TNN: variants seen among roughly 807,000 people sequenced by gnomAD.
TNN encodes tenascin N, also known as tenascin-N.
In TNN, 122 loss-of-function variants were observed where a neutral mutation model predicts 134.4. The ratio of observed to expected loss-of-function variants is 0.91; its 90% CI spans 0.78 to 1.06. The LOEUF is 1.06. TNN is among the 50% of genes least tolerant of loss of function. The pLI is 0.00. For synonymous variants in TNN, 710 were observed against 670.3 expected (o/e 1.06, Z -0.91); for missense variants, 1,739 against 1,699.4 (o/e 1.02, Z -0.41).
chr1:175,100,865 CTT>C (rs918646512), intron 9 of TNN, among the ~76,000 whole-genome samples: 1 of 151,952 alleles, frequency 6.6e-6, no homozygotes, highest in Non-Finnish European at 1.5e-5. Flanking sequence ...ACATTTGTTT[CTT>C]TTTTAAAAAA....
chr1:175,118,447 T>C, intron 10 of TNN, 114 bp from the exon 11 acceptor site: 1 of 1,277,926 alleles, frequency 7.8e-7, no homozygotes, highest in Non-Finnish European at 1.1e-6. Context: ...CAAGAGCATA[T>C]GAGGCGGAAA....
chr1:175,098,648 A>C, intron 9 of TNN, 53 bp downstream of exon 9: 1 of 1,608,956 alleles, frequency 6.2e-7, no homozygotes, highest in African/African-American at 1.3e-5. Context: ...GTCTGTCTAC[A>C]TGGGGTTTTC....
chr1:175,144,488 T>C lies in TNN; in HGVS notation c.3697T>C (p.Trp1233Arg), dbSNP rs540231919. 6.2e-7 allele frequency: 1 copy of C among 1,614,144 alleles called. No individual in the cohort carries two copies. Among genetic ancestry groups the C allele is most frequent in the African/African-American group, 1.3e-5 (1 of 75,028 alleles). Residue 1233 changes from tryptophan (W) to arginine (R), a missense_variant, in exon 18 of 19, where the codon TGG becomes CGG. Trp to Arg is a moderately radical substitution (Grantham distance 101, BLOSUM62 -3). Transcript: ENST00000239462. Reference sequence around the variant, plus strand: ...TGCCCTGACACATCATGGTGGCTGGTGGTATAAGAACTGCCACTTGGCCAA... The same window carrying C: ...TGCCCTGACACATCATGGTGGCTGGCGGTATAAGAACTGCCACTTGGCCAA... ...NCALTHHGGW[W>R]YKNCHLANPN...
chr1:175,090,071 T>A (rs1458574949), intron 6 of TNN, among the ~76,000 whole-genome samples: 1 of 152,216 alleles, frequency 6.6e-6, no homozygotes, highest in African/African-American at 2.4e-5. Flanking sequence ...TGTGAGACTT[T>A]GTAAATATTA....
At chr1:175,070,861 G>A (rs906289173) in intron 1 of TNN, among the ~76,000 whole-genome samples, 4 of 152,170 alleles carry the variant, frequency 2.6e-5, no homozygotes, top group Non-Finnish European at 5.9e-5. Flanking sequence ...CCTGGACCAG[G>A]TTACTTGGGA....
intron 1 of TNN, among the ~76,000 whole-genome samples, chr1:175,075,462 A>G (rs753419233): frequency 2.6e-5 from 4 of 151,996 alleles, no homozygotes; most frequent in Non-Finnish European, 5.9e-5. Context: ...ACACCTGGCT[A>G]ATTTTTGTGC....
intron 1 of TNN, among the ~76,000 whole-genome samples, chr1:175,069,235 G>A (rs16847779): frequency 0.29 from 44,175 of 152,088 alleles, 8,213 homozygotes; most frequent in African/African-American, 0.53. Context: ...TCAGGGCTAC[G>A]TATTGGCAGC....
chr1:175,096,921 T>C (rs1176262043), intron 7 of TNN, among the ~76,000 whole-genome samples: 6 of 152,176 alleles, frequency 3.9e-5, no homozygotes, highest in African/African-American at 9.7e-5. Context: ...AGACCTCAGA[T>C]ACTATCAATT....
At position 175,080,143 on chromosome 1, in the gene TNN, T is replaced by C; in HGVS notation, c.785-20T>C. ...CCTCCCTTGCTCACCCTCTCTGCCC[T>C]GTTCCTGTTCTGCCTGCAGTGGTCA... is the stretch of plus-strand genomic sequence containing the variant. On this transcript the variant is annotated intron_variant, in intron 3 of 18. Transcript: ENST00000239462. 3 of 1,612,360 alleles carry C rather than the reference T, an allele frequency of 1.9e-6. No homozygotes were observed. The highest frequency in any genetic ancestry group is 1.7e-6 in the Non-Finnish European group (2 of 1,179,338).
intron 1 of TNN, among the ~76,000 whole-genome samples, chr1:175,069,215 C>A (rs1486441715): frequency 2.0e-5 from 3 of 152,178 alleles, no homozygotes; most frequent in Non-Finnish European, 2.9e-5. Flanking sequence ...TCAGATGATA[C>A]CTTGCTCGGT....
intron 11 of TNN, among the ~76,000 whole-genome samples, chr1:175,121,082 C>T (rs1574167169): frequency 6.6e-6 from 1 of 152,266 alleles, no homozygotes; most frequent in African/African-American, 2.4e-5. Context: ...TATGCCCAGC[C>T]TAAATTTTAA....
chr1:175,111,506 A>G (rs1217531984), intron 9 of TNN, among the ~76,000 whole-genome samples: 2 of 148,666 alleles, frequency 1.3e-5, no homozygotes, highest in African/African-American at 5.2e-5. Context: ...AAAAAAAAAA[A>G]AAAAAAAAAA....
intron 1 of TNN, among the ~76,000 whole-genome samples, chr1:175,074,484 G>GAAAAAAAAAAA (rs55952749): frequency 1.7e-5 from 2 of 119,020 alleles, no homozygotes; most frequent in Non-Finnish European, 1.8e-5. Flanking sequence ...GATCCTGTCT[G>GAAAAAAAAAAA]AAAAAAAAAA....
At chr1:175,119,078 G>A (rs771378042) in intron 11 of TNN, among the ~76,000 whole-genome samples, 19 of 152,260 alleles carry the variant, frequency 1.2e-4, no homozygotes, top group South Asian at 8.3e-4. Context: ...AGGGTTCTTG[G>A]ATCTTGTGCA....
intron 2 of TNN, among the ~76,000 whole-genome samples, 160 bp downstream of exon 2, chr1:175,077,987 A>T (rs1429995796): frequency 6.6e-6 from 1 of 152,146 alleles, no homozygotes; most frequent in African/African-American, 2.4e-5. Context: ...TTATTCATTT[A>T]TTCACTGGTA....
At chr1:175,079,302 C>A in intron 2 of TNN, 31 bp from the exon 3 acceptor site, 1 of 1,555,040 alleles carries the variant, frequency 6.4e-7, no homozygotes, top group Non-Finnish European at 8.6e-7. Context: ...AACCCTTCAA[C>A]CCAACCTACT....
chr1:175,116,768 C>T (rs888740202), intron 9 of TNN, among the ~76,000 whole-genome samples, 171 bp from the exon 10 acceptor site: 1 of 152,186 alleles, frequency 6.6e-6, no homozygotes, highest in Non-Finnish European at 1.5e-5. Flanking sequence ...GTTGAAAATC[C>T]AAGAATCCAG....
intron 9 of TNN, among the ~76,000 whole-genome samples, chr1:175,110,151 G>A (rs1341869869): frequency 6.6e-6 from 1 of 152,144 alleles, no homozygotes; most frequent in Non-Finnish European, 1.5e-5. Context: ...TCATTTGTAT[G>A]TCTTCTTTTG....
At position 175,147,121 on chromosome 1, in the gene TNN, T is replaced by A; in HGVS notation, c.*50T>A. On this transcript the variant is annotated 3_prime_UTR_variant, in exon 19 of 19. Coordinates refer to ENST00000239462, the MANE Select transcript of TNN (RefSeq NM_022093.2). ...GGAGACACCACCAGCTGTGGCAGCT[T>A]GGGGCGGGGTGGGTAGTGGTCACTG... 7.0e-7 allele frequency: 1 copy of A among 1,438,190 alleles called. No homozygotes were observed. Among genetic ancestry groups the A allele is most frequent in the South Asian group, 1.5e-5 (1 of 64,630 alleles). The allele number at this position is 1,438,190 out of a possible 1,614,324, so 89.1% of individuals were successfully genotyped here. A position where few individuals can be genotyped will look rare whatever the true frequency, so the allele number is the denominator to read the frequency against.
Sources: allele counts gnomAD v4.1 joint callset (sites outside exome capture counted in the v4.1 genomes callset), GRCh38; gene constraint gnomAD v4.1.1; transcripts MANE v1.5; gene names NCBI Gene and HGNC (gene_info 2026-07-23, HGNC 2026-07-21).